The following FRMPD4 variants were observed in gnomAD, a reference collection of about 807,000 sequenced individuals.
The protein encoded by FRMPD4 is FERM and PDZ domain-containing protein 4.
In FRMPD4, 22 loss-of-function variants were observed where a neutral mutation model predicts 94.1. The ratio of observed to expected loss-of-function variants is 0.23; its 90% CI spans 0.17 to 0.33. The LOEUF (loss-of-function observed/expected upper bound fraction) is 0.33. FRMPD4 is among the 10% of genes least tolerant of loss of function. The pLI, the probability that FRMPD4 is intolerant of heterozygous loss-of-function variation, is 1.00. For missense variants in FRMPD4, 1,111 were observed against 1,339.9 expected (o/e 0.83, Z 2.67); for synonymous variants, 631 against 548.6 (o/e 1.15, Z -2.10).
chrX:12,510,898 TG>T (rs1170886477), intron 2 of FRMPD4, among the ~76,000 whole-genome samples: 4 of 111,652 alleles, frequency 3.6e-5, no homozygotes, highest in African/African-American at 1.3e-4. Context: ...GAAGCACTGG[TG>T]GCCTTCTTTG....
At chrX:12,449,317 G>C (rs1275230354) in intron 1 of FRMPD4, among the ~76,000 whole-genome samples, 2 of 112,182 alleles carry the variant, frequency 1.8e-5, no homozygotes, top group Non-Finnish European at 3.8e-5. Flanking sequence ...TGTTAAGTAA[G>C]AGTTACCATT....
chrX:12,372,758 T>A (rs909316092), intron 1 of FRMPD4, among the ~76,000 whole-genome samples: 8 of 112,409 alleles, frequency 7.1e-5, no homozygotes, highest in African/African-American at 2.6e-4. Flanking sequence ...TGACATGTCT[T>A]TTTCCTTTTT....
At chrX:12,307,395 C>T (rs2054958337) in intron 1 of FRMPD4, among the ~76,000 whole-genome samples, 1 of 112,530 alleles carries the variant, frequency 8.9e-6, no homozygotes, top group South Asian at 3.7e-4. Flanking sequence ...CATAGCATTT[C>T]ATCATATGAG....
intron 3 of FRMPD4, among the ~76,000 whole-genome samples, chrX:12,051,399 T>A (rs1353197475): frequency 1.8e-5 from 2 of 111,819 alleles, no homozygotes; most frequent in African/African-American, 3.2e-5. Context: ...CCTTTTATGA[T>A]GATAGTAGTG....
chrX:12,079,940 T>C (rs2055049122), intron 3 of FRMPD4, among the ~76,000 whole-genome samples: 1 of 112,784 alleles, frequency 8.9e-6, no homozygotes. Context: ...AAATTAAGGA[T>C]ACATCTTAAT....
At chrX:12,575,087 A>C (rs1378997746) in intron 2 of FRMPD4, among the ~76,000 whole-genome samples, 1 of 111,365 alleles carries the variant, frequency 9.0e-6, no homozygotes, top group African/African-American at 3.3e-5. Flanking sequence ...GAAATGACAG[A>C]TCAGGGAGGT....
chrX:12,111,119 C>G (rs1204665936), intron 3 of FRMPD4, among the ~76,000 whole-genome samples: 1 of 111,733 alleles, frequency 8.9e-6, no homozygotes, highest in African/African-American at 3.3e-5. Context: ...CAAGACAATC[C>G]TAAGCCAAAA....
chrX:12,261,496 A>G (rs912580978), intron 1 of FRMPD4, among the ~76,000 whole-genome samples: 1 of 111,607 alleles, frequency 9.0e-6, no homozygotes, highest in Admixed American at 9.5e-5. Flanking sequence ...CTTGACACAT[A>G]AGAAGAGACT....
At chrX:12,301,138 G>A (rs6640965) in intron 1 of FRMPD4, among the ~76,000 whole-genome samples, 17,645 of 109,401 alleles carry the variant, frequency 0.16, 1,410 homozygotes, top group Admixed American at 0.41. Flanking sequence ...GGTGTCTCAA[G>A]TTTGTCCTCA....
chrX:11,847,456 T>C (rs1287096395), intron 1 of FRMPD4, among the ~76,000 whole-genome samples: 3 of 107,393 alleles, frequency 2.8e-5, no homozygotes, highest in Admixed American at 1.0e-4. Context: ...AGTTCAACCA[T>C]TGTGGAAGTC....
intron 2 of FRMPD4, among the ~76,000 whole-genome samples, chrX:11,869,416 T>C (rs777392904): frequency 6.3e-5 from 7 of 111,901 alleles, no homozygotes; most frequent in Non-Finnish European, 1.3e-4. Flanking sequence ...AGCATGGATC[T>C]GGCATATATT....
intron 2 of FRMPD4, among the ~76,000 whole-genome samples, chrX:12,527,649 A>C (rs756169036): frequency 4.7e-4 from 52 of 111,210 alleles, no homozygotes; most frequent in African/African-American, 1.4e-3. Flanking sequence ...AGACATCTGC[A>C]TGGCAACCAG....
chrX:12,247,873 C>T (rs2053977940), intron 1 of FRMPD4, among the ~76,000 whole-genome samples: 1 of 112,000 alleles, frequency 8.9e-6, no homozygotes, highest in African/African-American at 3.2e-5. Flanking sequence ...TGAACAAGTT[C>T]AGGCAGTTTG....
intron 4 of FRMPD4, among the ~76,000 whole-genome samples, chrX:12,624,950 AT>A (rs2059331736): frequency 9.0e-6 from 1 of 111,680 alleles, no homozygotes; most frequent in Non-Finnish European, 1.9e-5. Context: ...AAAAAAAAGA[AT>A]AATCCAATTA....
At chrX:12,025,212 T>G (rs1835953172) in intron 3 of FRMPD4, among the ~76,000 whole-genome samples, 1 of 105,579 alleles carries the variant, frequency 9.5e-6, no homozygotes, top group African/African-American at 3.4e-5. Flanking sequence ...CTCTTTCCAT[T>G]TTTTTTTTTC....
At chrX:12,594,172 C>T (rs780415707) in intron 2 of FRMPD4, among the ~76,000 whole-genome samples, 2 of 111,153 alleles carry the variant, frequency 1.8e-5, no homozygotes, top group South Asian at 7.5e-4. Flanking sequence ...TTTGCTTATG[C>T]TTTTGATATT....
At chrX:12,084,177 T>TC (rs1555921467) in intron 3 of FRMPD4, among the ~76,000 whole-genome samples, 5 of 53,874 alleles carry the variant, frequency 9.3e-5, no homozygotes, top group Non-Finnish European at 1.6e-4. Context: ...AGGGACCCAG[T>TC]GGGGGGGGGG....
chrX:12,463,679 G>GTTTTT (rs1569286293), intron 1 of FRMPD4, among the ~76,000 whole-genome samples: 2 of 33,331 alleles, frequency 6.0e-5, no homozygotes, highest in African/African-American at 2.3e-4. Flanking sequence ...TCCTATGTGT[G>GTTTTT]TGTTTTTTTT....
intron 1 of FRMPD4, among the ~76,000 whole-genome samples, chrX:12,399,183 C>T (rs2056580701): frequency 9.0e-6 from 1 of 111,649 alleles, no homozygotes; most frequent in Non-Finnish European, 1.9e-5. Context: ...CTTGTTGTGT[C>T]ACCATTCAAG....
Sources: allele counts gnomAD v4.1 joint callset (sites outside exome capture counted in the v4.1 genomes callset), GRCh38; gene constraint gnomAD v4.1.1; transcripts MANE v1.5; gene names NCBI Gene and HGNC (gene_info 2026-07-23, HGNC 2026-07-21).